MCHR2: variants seen among roughly 807,000 people sequenced by gnomAD.
The protein encoded by MCHR2 is melanin-concentrating hormone receptor 2.
Under a neutral mutation model 24.8 loss-of-function variants are expected in MCHR2, and 15 were observed. The observed-to-expected ratio is 0.60, with a 90% CI of 0.40 to 0.93. The LOEUF is 0.93. Among genes scored for constraint, MCHR2 ranks in the 40% least tolerant of loss-of-function variants. The pLI, the probability that MCHR2 is intolerant of heterozygous loss-of-function variation, is 0.00. For synonymous variants in MCHR2, 151 were observed against 147.6 expected, an observed-to-expected ratio of 1.02 and a Z score of -0.17; for missense variants, 386 against 408.7, an observed-to-expected ratio of 0.94 and a Z score of 0.48.
chr6:99,974,828 T>G (rs142367917), intron 1 of MCHR2, among the ~76,000 whole-genome samples: 2,510 of 152,344 alleles, frequency 0.016, 21 homozygotes, highest in Middle Eastern at 0.048. Flanking sequence ...CCACTCCAGA[T>G]GCTGTTTGCC....
chr6:99,979,643 T>C (rs1174155682), intron 1 of MCHR2, among the ~76,000 whole-genome samples: 1 of 152,268 alleles, frequency 6.6e-6, no homozygotes, highest in Non-Finnish European at 1.5e-5. Flanking sequence ...TACTTTTTAA[T>C]GTGGCTACTA....
At chr6:99,973,969 CTT>C (rs1354851307) in intron 1 of MCHR2, among the ~76,000 whole-genome samples, 1 of 152,172 alleles carries the variant, frequency 6.6e-6, no homozygotes, top group East Asian at 1.9e-4. Context: ...GTAACCCGAC[CTT>C]TCTTTCTGGC....
At chr6:99,940,296 C>T (rs997787724) in intron 4 of MCHR2, among the ~76,000 whole-genome samples, 6 of 151,828 alleles carry the variant, frequency 4.0e-5, no homozygotes, top group African/African-American at 1.5e-4. Flanking sequence ...CTTTTTCTGA[C>T]TGTGTATTTT....
At chr6:99,924,819 A>C (rs1282307117) in intron 5 of MCHR2, among the ~76,000 whole-genome samples, 1 of 152,112 alleles carries the variant, frequency 6.6e-6, no homozygotes, top group African/African-American at 2.4e-5. Flanking sequence ...GTGACCTAAC[A>C]TATGTTCTAT....
chr6:99,983,262 T>C (rs1775706274), intron 1 of MCHR2, among the ~76,000 whole-genome samples: 1 of 152,202 alleles, frequency 6.6e-6, no homozygotes, highest in African/African-American at 2.4e-5. Flanking sequence ...TGAACCACCA[T>C]GCCCAGCCCC....
chr6:99,928,178 G>A (rs567437230), intron 5 of MCHR2, among the ~76,000 whole-genome samples: 1 of 152,274 alleles, frequency 6.6e-6, no homozygotes, highest in Non-Finnish European at 1.5e-5. Context: ...TGCATCCCAG[G>A]GATGAAGCCC....
At chr6:99,946,548 C>T (rs1364043701) in intron 3 of MCHR2, among the ~76,000 whole-genome samples, 1 of 152,016 alleles carries the variant, frequency 6.6e-6, no homozygotes, top group Non-Finnish European at 1.5e-5. Flanking sequence ...TCAAGACATT[C>T]ATTCATTCAT....
chr6:99,975,830 T>C (rs1775538779), intron 1 of MCHR2, among the ~76,000 whole-genome samples: 1 of 152,268 alleles, frequency 6.6e-6, no homozygotes, highest in Non-Finnish European at 1.5e-5. Context: ...CTTAAACAAC[T>C]GAACTTTATG....
At position 99,950,492 on chromosome 6, in the gene MCHR2, A is replaced by C. The variant is rs1774945876; in HGVS notation, c.183-2521T>G. On this transcript the variant is annotated intron_variant, in intron 2 of 5. Coordinates refer to ENST00000281806, the MANE Select transcript of MCHR2 (RefSeq NM_001040179.2). ...TATGGTTAACGTGGTCATATCTAAT[A>C]CTCATTAATTTGAGGAATGATAAAA... Among the ~76,000 whole-genome samples, 3 of 152,208 alleles carry C rather than the reference A, an allele frequency of 2.0e-5. No individual in the cohort carries two copies. The South Asian group carries it at 6.2e-4, about 32-fold the overall frequency.
At chr6:99,969,347 G>C (rs1324337862) in intron 1 of MCHR2, among the ~76,000 whole-genome samples, 2 of 151,554 alleles carry the variant, frequency 1.3e-5, no homozygotes, top group African/African-American at 2.4e-5. Context: ...GGTGGCAGGT[G>C]TCTGTAATCC....
In MCHR2 at chr6:99,947,704, T is replaced by C. The variant is rs1774895523; in HGVS notation, c.392+58A>G. 5.8e-6 allele frequency: 9 copies of C among 1,553,014 alleles called. No individual in the cohort carries two copies. In the South Asian group the frequency reaches 9.7e-5, roughly 17 times the overall value. The stretch of plus-strand genomic sequence containing the variant: ...AACTGGTGTTGGAATTGGAATGAGC[T>C]TGGGGAAGCACAGGCACCTCTGAAT... On this transcript the variant is annotated intron_variant, in intron 3 of 5. Coordinates refer to ENST00000281806, the MANE Select transcript of MCHR2 (RefSeq NM_001040179.2).
In MCHR2 at chr6:99,921,256, C is replaced by T; in HGVS notation, c.708-1G>A. On this transcript the variant is annotated splice_acceptor_variant, in intron 5 of 5. Coordinates refer to ENST00000281806, the MANE Select transcript of MCHR2 (RefSeq NM_001040179.2). LOFTEE classifies it high-confidence loss of function. ...CTGTTTTGGTACACTGGGATTGCAG[C>T]TGCAGAGGAAACATTCAGATAGACA... The T allele has an allele frequency of 6.2e-7, 1 of 1,611,718 alleles. No individual in the cohort carries two copies. Among genetic ancestry groups the T allele is most frequent in the South Asian group, 1.1e-5 (1 of 90,906 alleles).
chr6:99,993,338 T>C (rs748738785), intron 1 of MCHR2, among the ~76,000 whole-genome samples: 1 of 152,206 alleles, frequency 6.6e-6, no homozygotes, highest in Non-Finnish European at 1.5e-5. Flanking sequence ...GGAGTTCAGA[T>C]GACCTGACCG....
chr6:99,955,612 A>G (rs1209502467), intron 2 of MCHR2, among the ~76,000 whole-genome samples: 1 of 152,082 alleles, frequency 6.6e-6, no homozygotes, highest in Non-Finnish European at 1.5e-5. Context: ...CCCTACCCTT[A>G]GAGATTCTGA....
In MCHR2 at chr6:99,924,694, G is replaced by A. The variant is rs140791360; in HGVS notation, c.708-3439C>T. ...CAGGAGCATATTTTGTAATTTCCATGTGTTTGTATAGTTTCCAAAATTCCT... is the reference window on the plus strand; with the variant it reads ...CAGGAGCATATTTTGTAATTTCCATATGTTTGTATAGTTTCCAAAATTCCT... On this transcript the variant is annotated intron_variant, in intron 5 of 5. Coordinates refer to ENST00000281806, the MANE Select transcript of MCHR2 (RefSeq NM_001040179.2). Among the ~76,000 whole-genome samples the A allele has an allele frequency of 7.9e-5, 12 of 152,066 alleles. No homozygotes were observed. The East Asian group carries it at 2.3e-3, about 29-fold the overall frequency.
intron 2 of MCHR2, among the ~76,000 whole-genome samples, chr6:99,954,343 T>C (rs1775019794): frequency 2.6e-5 from 4 of 152,262 alleles, no homozygotes; most frequent in African/African-American, 9.6e-5. Flanking sequence ...GTTAATATGA[T>C]GCTGAAAACA....
At chr6:99,947,647 A>G in intron 3 of MCHR2, 115 bp downstream of exon 3, 2 of 981,732 alleles carry the variant, frequency 2.0e-6, no homozygotes, top group Non-Finnish European at 3.1e-6. Context: ...ACAGTGAAAC[A>G]AAGGAAGAAA....
At chr6:99,932,535 C>G (rs1316195389) in intron 5 of MCHR2, among the ~76,000 whole-genome samples, 1 of 152,180 alleles carries the variant, frequency 6.6e-6, no homozygotes, top group African/African-American at 2.4e-5. Flanking sequence ...ACCACCTTAA[C>G]CAGGTAATCA....
intron 1 of MCHR2, among the ~76,000 whole-genome samples, chr6:99,961,589 A>G (rs894879913): frequency 1.3e-5 from 2 of 152,316 alleles, no homozygotes; most frequent in African/African-American, 4.8e-5. Flanking sequence ...CATTATTCTC[A>G]GCAAACTATC....
Sources: gnomAD v4.1 joint callset for allele counts (sites outside exome capture counted in the v4.1 genomes callset) on GRCh38, gnomAD v4.1.1 for gene constraint, MANE v1.5 for transcripts, NCBI Gene and HGNC (gene_info 2026-07-23, HGNC 2026-07-21) for gene names.